The following SLC24A2 variants were observed in gnomAD, a reference collection of about 807,000 sequenced individuals.
SLC24A2 encodes the protein sodium/potassium/calcium exchanger 2.
In SLC24A2, 36 loss-of-function variants were observed where a neutral mutation model predicts 62.0. That is an observed-to-expected ratio of 0.58 (90% CI 0.44 to 0.77). The LOEUF is 0.77. Ranked by LOEUF, SLC24A2 falls within the 30% of genes least tolerant of loss-of-function variation. The pLI is 0.00. For missense variants in SLC24A2, 846 were observed against 817.9 expected (o/e 1.03, Z -0.42); for synonymous variants, 358 against 294.0 (o/e 1.22, Z -2.23).
chr9:20,063,981 TCTAC>T, the SLC24A2 span, among the ~76,000 whole-genome samples: 5 of 152,164 alleles, frequency 3.3e-5, no homozygotes, highest in Admixed American at 6.6e-5. Flanking sequence ...CTCTTAAGAA[TCTAC>T]CTGAGAAATA....
At chr9:20,016,373 G>C in the SLC24A2 span, among the ~76,000 whole-genome samples, 1 of 152,138 alleles carries the variant, frequency 6.6e-6, no homozygotes, top group South Asian at 2.1e-4. Context: ...TATAAATGTG[G>C]ATGTATAATA....
rs1435708969 is a variant in SLC24A2 at position 19,514,116 on chromosome 9, T to A, written c.*2037A>T. ...CCAGGGGGCCTCGGGTTTGAAGTGC[T>A]TTTTACTTCTGGGTGAAGAGGAATG... is the stretch of plus-strand genomic sequence containing the variant. On this transcript the variant is annotated 3_prime_UTR_variant, in exon 11 of 11. Transcript: ENST00000341998. The A allele has an allele frequency of 6.6e-6, 1 of 152,188 alleles. No individual in the cohort carries two copies. The highest frequency in any genetic ancestry group is 1.5e-5 in the Non-Finnish European group (1 of 68,046). 9.4% of individuals were successfully genotyped at this position (152,188 alleles called of 1,614,324 possible).
At chr9:19,627,545 T>C (rs1016327146) in intron 2 of SLC24A2, among the ~76,000 whole-genome samples, 3 of 152,158 alleles carry the variant, frequency 2.0e-5, no homozygotes, top group Non-Finnish European at 2.9e-5. Context: ...CATTATCAGA[T>C]AGAGGCTTGC....
At chr9:19,819,433 C>G in the SLC24A2 span, among the ~76,000 whole-genome samples, 1 of 152,028 alleles carries the variant, frequency 6.6e-6, no homozygotes, top group African/African-American at 2.4e-5. Flanking sequence ...GGGACAAAAT[C>G]TTCACAATCT....
At chr9:19,613,279 G>A (rs1192585569) in intron 4 of SLC24A2, among the ~76,000 whole-genome samples, 1 of 152,168 alleles carries the variant, frequency 6.6e-6, no homozygotes, top group African/African-American at 2.4e-5. Flanking sequence ...TTTCTCTGAA[G>A]TCTTTGGGAG....
the SLC24A2 span, among the ~76,000 whole-genome samples, chr9:19,905,716 C>T: frequency 6.6e-6 from 1 of 152,134 alleles, no homozygotes; most frequent in African/African-American, 2.4e-5. Context: ...TCTTTAGGGA[C>T]CTCCTATTTT....
At chr9:19,998,398 C>A in the SLC24A2 span, among the ~76,000 whole-genome samples, 13 of 152,312 alleles carry the variant, frequency 8.5e-5, no homozygotes, top group African/African-American at 3.1e-4. Flanking sequence ...CGGGTCACCT[C>A]TACCCTCTGT....
chr9:20,189,627 C>A, the SLC24A2 span, among the ~76,000 whole-genome samples: 1 of 152,164 alleles, frequency 6.6e-6, no homozygotes, highest in Non-Finnish European at 1.5e-5. Context: ...AAAAGTGGAG[C>A]TCTCAACAGC....
At chr9:20,043,596 G>C in the SLC24A2 span, among the ~76,000 whole-genome samples, 1 of 152,326 alleles carries the variant, frequency 6.6e-6, no homozygotes, top group South Asian at 2.1e-4. Flanking sequence ...ATGACCTTGA[G>C]AGGTTTAAGA....
chr9:19,943,045 C>T, the SLC24A2 span, among the ~76,000 whole-genome samples: 1 of 152,006 alleles, frequency 6.6e-6, no homozygotes, highest in African/African-American at 2.4e-5. Context: ...GCATGAGGGT[C>T]TTAGAATATT....
chr9:19,630,338 C>T (rs1004772985), intron 2 of SLC24A2, among the ~76,000 whole-genome samples: 3 of 151,996 alleles, frequency 2.0e-5, no homozygotes, highest in Non-Finnish European at 4.4e-5. Context: ...ATTTAAAATG[C>T]ATTTTAAAAC....
chr9:19,980,880 C>T, the SLC24A2 span, among the ~76,000 whole-genome samples: 1 of 152,104 alleles, frequency 6.6e-6, no homozygotes, highest in East Asian at 1.9e-4. Flanking sequence ...TGAAGGAAGC[C>T]TCTGTATATT....
chr9:20,038,214 TG>T, the SLC24A2 span, among the ~76,000 whole-genome samples: 1 of 152,230 alleles, frequency 6.6e-6, no homozygotes, highest in South Asian at 2.1e-4. Context: ...ATTTCCCAGC[TG>T]TGTAAGCTTG....
the SLC24A2 span, among the ~76,000 whole-genome samples, chr9:20,290,617 C>T: frequency 6.6e-6 from 1 of 152,202 alleles, no homozygotes. Context: ...GTGACGCCAC[C>T]ACCTGCAGCT....
At chr9:19,576,777 G>A in intron 6 of SLC24A2, 147 bp downstream of exon 6, 1 of 718,346 alleles carries the variant, frequency 1.4e-6, no homozygotes, top group South Asian at 1.5e-5. Context: ...AGGGCAAGAG[G>A]GACTCATTTC....
At chr9:20,042,667 C>T in the SLC24A2 span, among the ~76,000 whole-genome samples, 1 of 152,112 alleles carries the variant, frequency 6.6e-6, no homozygotes, top group Non-Finnish European at 1.5e-5. Context: ...TTGTGCTTTG[C>T]TTTATTGCAC....
At chr9:20,010,664 G>A in the SLC24A2 span, among the ~76,000 whole-genome samples, 1 of 151,858 alleles carries the variant, frequency 6.6e-6, no homozygotes, top group African/African-American at 2.4e-5. Flanking sequence ...CAACATGCAG[G>A]TTTGTTACAT....
chr9:19,696,269 C>T (rs533862614), intron 2 of SLC24A2, among the ~76,000 whole-genome samples: 5 of 152,306 alleles, frequency 3.3e-5, no homozygotes, highest in South Asian at 2.1e-4. Context: ...CTGTCTTCCA[C>T]GAAACTGGTC....
chr9:20,058,492 T>TACACACACACAC, the SLC24A2 span, among the ~76,000 whole-genome samples: 1,206 of 147,892 alleles, frequency 8.2e-3, 19 homozygotes, highest in African/African-American at 0.025. Flanking sequence ...ATGCCCTTCA[T>TACACACACACAC]ACACACACAC....
Sources: gnomAD v4.1 joint callset for allele counts (sites outside exome capture counted in the v4.1 genomes callset) on GRCh38, gnomAD v4.1.1 for gene constraint, MANE v1.5 for transcripts, NCBI Gene and HGNC (gene_info 2026-07-23, HGNC 2026-07-21) for gene names.